WWC2: variants seen among roughly 807,000 people sequenced by gnomAD.
WWC2 encodes the protein protein WWC2.
A neutral mutation model predicts 138.5 loss-of-function variants in WWC2; 101 were observed. That is an observed-to-expected ratio of 0.73 (90% CI 0.62 to 0.86). The LOEUF is 0.86. WWC2 is among the 40% of genes least tolerant of loss of function. The probability of loss-of-function intolerance (pLI) is 0.00; values close to 1 mark genes in which losing one functional copy is unlikely to be tolerated. For synonymous variants in WWC2, 558 were observed against 538.4 expected (o/e 1.04, Z -0.50); for missense variants, 1,420 against 1,419.4 (o/e 1.00, Z -0.01).
intron 1 of WWC2, among the ~76,000 whole-genome samples, chr4:183,109,215 AAAG>A (rs1371896398): frequency 6.6e-6 from 1 of 152,228 alleles, no homozygotes; most frequent in Non-Finnish European, 1.5e-5. Flanking sequence ...AAACAAAAAT[AAAG>A]AAGAATATGT....
At chr4:183,314,788 T>C (rs4501261) in intron 22 of WWC2, among the ~76,000 whole-genome samples, 42,271 of 152,152 alleles carry the variant, frequency 0.28, 6,309 homozygotes, top group Middle Eastern at 0.44. Context: ...CTCTTATGAA[T>C]TGAACAAATT....
chr4:183,105,679 A>G (rs760628030), intron 1 of WWC2, among the ~76,000 whole-genome samples: 12 of 152,162 alleles, frequency 7.9e-5, no homozygotes, highest in Non-Finnish European at 1.5e-4. Flanking sequence ...TCACGAGGTC[A>G]GGAGATGCAG....
intron 1 of WWC2, among the ~76,000 whole-genome samples, chr4:183,186,418 C>G (rs1321315677): frequency 6.6e-6 from 1 of 152,082 alleles, no homozygotes; most frequent in Non-Finnish European, 1.5e-5. Context: ...AAGGGAAATT[C>G]TATGATAGGG....
intron 1 of WWC2, among the ~76,000 whole-genome samples, chr4:183,104,820 T>C (rs757893806): frequency 6.6e-6 from 1 of 152,176 alleles, no homozygotes; most frequent in South Asian, 2.1e-4. Flanking sequence ...GTCTAAGAGT[T>C]CTCCAGTGAC....
intron 1 of WWC2, among the ~76,000 whole-genome samples, chr4:183,147,719 T>A (rs1374390893): frequency 6.6e-6 from 1 of 152,248 alleles, no homozygotes; most frequent in African/African-American, 2.4e-5. Flanking sequence ...TTAATTTTGT[T>A]ATGAGAGATT....
chr4:183,188,267 C>T (rs756385039), intron 1 of WWC2, among the ~76,000 whole-genome samples: 15 of 152,034 alleles, frequency 9.9e-5, no homozygotes, highest in Non-Finnish European at 1.9e-4. Context: ...GAGACAGAGT[C>T]TCGCTGTGTC....
At chr4:183,288,609 A>G (rs1738331595) in intron 20 of WWC2, among the ~76,000 whole-genome samples, 1 of 152,178 alleles carries the variant, frequency 6.6e-6, no homozygotes, top group Non-Finnish European at 1.5e-5. Flanking sequence ...TCTGCAGCCG[A>G]AGTTTTCAAG....
chr4:183,099,416 G>A lies in WWC2; in HGVS notation c.-76G>A. On this transcript the variant is annotated 5_prime_UTR_variant, in exon 1 of 23. Coordinates refer to ENST00000403733, the MANE Select transcript of WWC2 (RefSeq NM_024949.6). ...GCCCGCGTCGCGGGTTGGCAGCCTA[G>A]CCCGGCAGCCGCGTTCCCGCCGCGT... The A allele has an allele frequency of 8.5e-7, 1 of 1,180,384 alleles. No homozygotes were observed. The highest frequency in any genetic ancestry group is 1.1e-6 in the Non-Finnish European group (1 of 951,138). The allele number at this position is 1,180,384 out of a possible 1,614,324, so 73.1% of individuals were successfully genotyped here. A position where few individuals can be genotyped will look rare whatever the true frequency, so the allele number is the denominator to read the frequency against.
At chr4:183,282,638 G>A (rs1210873329) in intron 17 of WWC2, 70 bp from the exon 18 acceptor site, 2 of 1,437,512 alleles carry the variant, frequency 1.4e-6, no homozygotes, top group Admixed American at 2.0e-5. Context: ...TAACAACTTA[G>A]CATGCCCAGG....
intron 21 of WWC2, among the ~76,000 whole-genome samples, chr4:183,296,704 C>T (rs559480268): frequency 2.0e-5 from 3 of 151,922 alleles, no homozygotes; most frequent in Non-Finnish European, 2.9e-5. Flanking sequence ...GAGGCCAAGG[C>T]GGGCGGATCA....
At chr4:183,207,243 A>G (rs1735472548) in intron 2 of WWC2, among the ~76,000 whole-genome samples, 1 of 152,072 alleles carries the variant, frequency 6.6e-6, no homozygotes, top group Non-Finnish European at 1.5e-5. Flanking sequence ...GGAAGTGCAG[A>G]AGCAAGAACC....
chr4:183,252,035 G>A (rs1380375430), intron 8 of WWC2, among the ~76,000 whole-genome samples: 1 of 152,122 alleles, frequency 6.6e-6, no homozygotes, highest in Non-Finnish European at 1.5e-5. Flanking sequence ...AAGTGCAGAT[G>A]GGGGGAGAAA....
chr4:183,285,535 C>T lies in WWC2; in HGVS notation c.3049-432C>T, dbSNP rs147649009. On this transcript the variant is annotated intron_variant, in intron 19 of 22. Coordinates refer to ENST00000403733, the MANE Select transcript of WWC2 (RefSeq NM_024949.6). ...CAACACTTTGGGAGCCCGAGGAGAGCGAAACACCTGAGGTCAGAAGTTCGA... is the reference window on the plus strand; with the variant it reads ...CAACACTTTGGGAGCCCGAGGAGAGTGAAACACCTGAGGTCAGAAGTTCGA... 5.0e-3 allele frequency among the ~76,000 whole-genome samples: 756 copies of T among 152,230 alleles called. 10 individuals carry two copies. The highest frequency in any genetic ancestry group is 0.017 in the African/African-American group (700 of 41,534).
intron 21 of WWC2, among the ~76,000 whole-genome samples, chr4:183,296,913 A>G (rs113352587): frequency 0.21 from 26,829 of 126,938 alleles, 3,490 homozygotes; most frequent in Middle Eastern, 0.45. Flanking sequence ...CAGCCTGGGC[A>G]ACAGAGCGAG....
At chr4:183,297,474 A>G (rs1425930353) in intron 21 of WWC2, among the ~76,000 whole-genome samples, 2 of 151,704 alleles carry the variant, frequency 1.3e-5, no homozygotes, top group Admixed American at 6.6e-5. Context: ...CAATGGCACA[A>G]TCTTAGCTCA....
intron 14 of WWC2, among the ~76,000 whole-genome samples, chr4:183,266,486 T>C (rs541497291): frequency 7.9e-5 from 12 of 152,332 alleles, no homozygotes; most frequent in African/African-American, 2.9e-4. Context: ...GACATAATGC[T>C]ACACAGTCCA....
At chr4:183,263,987 G>T (rs963592729) in intron 11 of WWC2, among the ~76,000 whole-genome samples, 2 of 152,144 alleles carry the variant, frequency 1.3e-5, no homozygotes, top group African/African-American at 4.8e-5. Flanking sequence ...AAGGCCTTCC[G>T]CAGTCAGTCA....
intron 21 of WWC2, among the ~76,000 whole-genome samples, chr4:183,300,364 G>A (rs1434013111): frequency 6.7e-6 from 1 of 149,972 alleles, no homozygotes; most frequent in Non-Finnish European, 1.5e-5. Flanking sequence ...TTTCCATAGA[G>A]TGTTTCCCTG....
intron 21 of WWC2, among the ~76,000 whole-genome samples, chr4:183,292,457 A>G (rs1489463144): frequency 6.6e-6 from 1 of 152,134 alleles, no homozygotes; most frequent in African/African-American, 2.4e-5. Context: ...GTGAGTTATG[A>G]TCACCCCACT....
Sources: gnomAD v4.1 joint callset for allele counts (sites outside exome capture counted in the v4.1 genomes callset) on GRCh38, gnomAD v4.1.1 for gene constraint, MANE v1.5 for transcripts, NCBI Gene and HGNC (gene_info 2026-07-23, HGNC 2026-07-21) for gene names.